Variants in ZNF550 observed in about 807,000 individuals in gnomAD.
The protein encoded by ZNF550 is zinc finger protein 550.
ZNF550 carries 42 observed loss-of-function variants against 40.2 expected under a neutral mutation model. That is an observed-to-expected ratio of 1.05 (90% CI 0.82 to 1.35). ZNF550 has a LOEUF of 1.35. Among genes scored for constraint, ZNF550 ranks in the 40% most tolerant of loss-of-function variants. ZNF550 has a pLI of 0.00. For synonymous variants in ZNF550, 223 were observed against 198.6 expected (o/e 1.12, Z -1.03); for missense variants, 549 against 525.2 (o/e 1.05, Z -0.44).
intron 1 of ZNF550, among the ~76,000 whole-genome samples, chr19:57,559,239 G>C (rs1276889320): frequency 6.6e-6 from 1 of 152,178 alleles, no homozygotes; most frequent in Non-Finnish European, 1.5e-5. Flanking sequence ...CATCACCCAG[G>C]GAGCCGTTCA....
At chr19:57,547,411 T>C in exon 4 of ZNF550, 2 of 1,613,810 alleles carry the variant, frequency 1.2e-6, no homozygotes, top group South Asian at 1.1e-5. Flanking sequence ...GTGGATTGGA[T>C]GGTGCTGCAT....
intron 3 of ZNF550, among the ~76,000 whole-genome samples, chr19:57,551,069 A>AT (rs899032001): frequency 2.8e-4 from 43 of 152,136 alleles, no homozygotes; most frequent in African/African-American, 9.9e-4. Context: ...CAAAGCAGAG[A>AT]TTTTTTTTAA....
chr19:57,553,269 T>C (rs2090089981), intron 2 of ZNF550: 1 of 152,560 alleles, frequency 6.6e-6, no homozygotes. Context: ...ACTGTTGGGC[T>C]ACAACTGCCA....
chr19:57,549,209 G>A (rs2090050938), intron 3 of ZNF550, among the ~76,000 whole-genome samples: 1 of 152,178 alleles, frequency 6.6e-6, no homozygotes, highest in Non-Finnish European at 1.5e-5. Flanking sequence ...AATGCTTGAG[G>A]TGACAGATAC....
chr19:57,558,290 C>T lies in ZNF550; in HGVS notation c.27+1366G>A, dbSNP rs114686987. On this transcript the variant is annotated intron_variant, in intron 1 of 4. Transcript: ENST00000457177. The stretch of plus-strand genomic sequence containing the variant: ...TGAAAATGGGAAAGAGCTTGGCAAG[C>T]TCAGGATTCCCTGGATGAATGCAGT... Among the ~76,000 whole-genome samples, 309 of 152,276 alleles carry T rather than the reference C, an allele frequency of 2.0e-3. 1 individual carries two copies. The highest frequency in any genetic ancestry group is 7.1e-3 in the African/African-American group (295 of 41,556).
chr19:57,560,632 G>C (rs2090160601), upstream of ZNF550, among the ~76,000 whole-genome samples: 1 of 152,178 alleles, frequency 6.6e-6, no homozygotes, highest in East Asian at 1.9e-4. Context: ...TTCTAATTAG[G>C]GGGTGGGATA....
chr19:57,542,840 T>C (rs1189944646), exon 5 of ZNF550: 1 of 152,202 alleles, frequency 6.6e-6, no homozygotes, highest in Non-Finnish European at 1.5e-5. Context: ...TTCCCATTTT[T>C]CTAAGGACAC....
At chr19:57,544,572 G>A (rs1396667992) in intron 4 of ZNF550, 2 of 985,266 alleles carry the variant, frequency 2.0e-6, no homozygotes, top group Non-Finnish European at 2.4e-6. Context: ...AGAGGAAACT[G>A]TGCACTCTGT....
chr19:57,547,454 A>G, exon 4 of ZNF550: 2 of 1,614,040 alleles, frequency 1.2e-6, no homozygotes, highest in South Asian at 1.1e-5. Context: ...GCCTTCCCAC[A>G]CTCAAGGCAC....
exon 4 of ZNF550, chr19:57,547,292 T>C (rs764604148): frequency 9.9e-6 from 16 of 1,614,008 alleles, no homozygotes; most frequent in Middle Eastern, 1.6e-4. Context: ...TCACATTCTT[T>C]GCACTCAAAG....
At chr19:57,557,882 C>T (rs1164248468) in intron 1 of ZNF550, among the ~76,000 whole-genome samples, 1 of 152,242 alleles carries the variant, frequency 6.6e-6, no homozygotes, top group African/African-American at 2.4e-5. Flanking sequence ...TAACTATTCC[C>T]ATCTCAGCAG....
At chr19:57,552,481 G>A in intron 3 of ZNF550, 146 bp downstream of exon 3, 1 of 610,528 alleles carries the variant, frequency 1.6e-6, no homozygotes, top group Non-Finnish European at 2.9e-6. Flanking sequence ...CCTGATGATG[G>A]ACACTATGAC....
At chr19:57,543,074 A>G (rs1352673451) in exon 5 of ZNF550, 4 of 215,006 alleles carry the variant, frequency 1.9e-5, no homozygotes, top group Non-Finnish European at 2.4e-5. Context: ...TTAATTCCCT[A>G]CACTCTTCTG....
exon 4 of ZNF550, chr19:57,546,499 G>C: frequency 1.0e-6 from 1 of 989,176 alleles, no homozygotes; most frequent in African/African-American, 1.7e-5. Flanking sequence ...AAAATCCCAA[G>C]GTGGGTCAAA....
In ZNF550 at chr19:57,547,814, T is replaced by C. The variant is rs776450386; in HGVS notation, c.430A>G (p.Thr144Ala). The C allele has an allele frequency of 3.1e-6, 5 of 1,614,050 alleles. No individual in the cohort carries two copies. The East Asian group carries it at 8.9e-5, about 29-fold the overall frequency. Residue 144 changes from threonine to alanine, a missense_variant, in exon 4 of 5, where the codon ACA (threonine) becomes GCA (alanine). By Grantham distance (58) the Thr-to-Ala change is moderately conservative. Coordinates refer to ENST00000457177, the Ensembl canonical transcript of ZNF550. ...AGATGGGTCTCCTTGTGGAGGTCTG[T>C]CTCCGGTGTCACTTTACCTTTCTGC... is the stretch of plus-strand genomic sequence containing the variant.
chr19:57,560,529 A>G (rs1336558745), upstream of ZNF550, among the ~76,000 whole-genome samples: 1 of 152,184 alleles, frequency 6.6e-6, no homozygotes, highest in Non-Finnish European at 1.5e-5. Context: ...TTTTGAGAAG[A>G]GTGTACTTTT....
rs114970440 is a variant in ZNF550, at chr19:57,545,215, G to A, written c.*518+1242C>T. ...ATGAAACTCACGTAAACCTGCCCAC[G>A]TATATCCTGATTCACCTGTTAAAAT... On this transcript the variant is annotated intron_variant, in intron 4 of 4. Transcript: ENST00000457177. Among the ~76,000 whole-genome samples, 278 of 152,306 alleles carry A rather than the reference G, an allele frequency of 1.8e-3. 3 individuals are homozygous for A. The highest frequency in any genetic ancestry group is 6.4e-3 in the African/African-American group (268 of 41,570).
At chr19:57,544,695 G>T in intron 4 of ZNF550, 2 of 721,430 alleles carry the variant, frequency 2.8e-6, no homozygotes, top group Non-Finnish European at 3.4e-6. Flanking sequence ...GAATATATAT[G>T]CAGTGCTTTA....
At chr19:57,555,917 G>C (rs2090116573) in intron 2 of ZNF550, 1 of 338,930 alleles carries the variant, frequency 3.0e-6, no homozygotes, top group African/African-American at 2.2e-5. Flanking sequence ...CTTTCTCTAA[G>C]AACAGCCCAT....
Sources: allele counts gnomAD v4.1 joint callset (sites outside exome capture counted in the v4.1 genomes callset), GRCh38; gene constraint gnomAD v4.1.1; transcripts MANE v1.5; gene names NCBI Gene and HGNC (gene_info 2026-07-23, HGNC 2026-07-21).